Variants in GPR137C observed in about 807,000 individuals in gnomAD.
GPR137C encodes the protein integral membrane protein GPR137C.
GPR137C carries 27 observed loss-of-function variants against 43.4 expected under a neutral mutation model. The ratio of observed to expected loss-of-function variants is 0.62; its 90% CI spans 0.46 to 0.86. GPR137C has a LOEUF of 0.86. Among genes scored for constraint, GPR137C ranks in the 40% least tolerant of loss-of-function variants. GPR137C has a pLI of 0.00. For missense variants in GPR137C, 522 were observed against 534.6 expected (o/e 0.98, Z 0.23); for synonymous variants, 285 against 226.9 (o/e 1.26, Z -2.30).
rs2039362547 is a variant in GPR137C, at chr14:52,637,193, T to C, written c.*2078T>C. 1 of 152,136 alleles carries C rather than the reference T, an allele frequency of 6.6e-6. No homozygotes were observed. The highest frequency in any genetic ancestry group is 2.1e-4 in the South Asian group (1 of 4,834). 9.4% of individuals were successfully genotyped at this position (152,136 alleles called of 1,614,324 possible). On this transcript the variant is annotated 3_prime_UTR_variant, in exon 7 of 7. Coordinates refer to ENST00000321662, the MANE Select transcript of GPR137C (RefSeq NM_001099652.2). Reference sequence around the variant, plus strand: ...CCAAATTCTTGCATTTGTCTCCTTATACACATCTAACATATCACCAAAGAC... The same window carrying C: ...CCAAATTCTTGCATTTGTCTCCTTACACACATCTAACATATCACCAAAGAC...
At chr14:52,589,319 G>C (rs972179998) in intron 1 of GPR137C, among the ~76,000 whole-genome samples, 33 of 152,088 alleles carry the variant, frequency 2.2e-4, no homozygotes, top group Admixed American at 2.2e-3. Context: ...GGTGATGGTT[G>C]CACAACATTG....
intron 3 of GPR137C, among the ~76,000 whole-genome samples, chr14:52,631,262 G>A (rs1234126447): frequency 1.3e-5 from 2 of 152,154 alleles, no homozygotes; most frequent in African/African-American, 4.8e-5. Flanking sequence ...TAGCTTAGGT[G>A]GAGGATTCTC....
chr14:52,637,161 A>G lies in GPR137C; in HGVS notation c.*2046A>G, dbSNP rs2039362156. ...TGTAAGTTTATTCTTATCACTGACT[A>G]GGGTACCCAAATTCTTGCATTTGTC... On this transcript the variant is annotated 3_prime_UTR_variant, in exon 7 of 7. Transcript: ENST00000321662. 1 of 152,166 alleles carries G rather than the reference A, an allele frequency of 6.6e-6. No homozygotes were observed. Among genetic ancestry groups the G allele is most frequent in the African/African-American group, 2.4e-5 (1 of 41,450 alleles). 9.4% of individuals were successfully genotyped at this position (152,166 alleles called of 1,614,324 possible).
chr14:52,597,792 T>A (rs1345752003), intron 1 of GPR137C, among the ~76,000 whole-genome samples: 1 of 152,214 alleles, frequency 6.6e-6, no homozygotes, highest in African/African-American at 2.4e-5. Flanking sequence ...TTACTAAATA[T>A]GATATATCCT....
At position 52,563,308 on chromosome 14, in the gene GPR137C, G is replaced by A. The variant is rs779246208; in HGVS notation, c.444+9717G>A. Among the ~76,000 whole-genome samples, 7 of 151,972 alleles carry A rather than the reference G, an allele frequency of 4.6e-5. No homozygotes were observed. The East Asian group carries it at 5.8e-4, about 13-fold the overall frequency. ...TTTCCAAGTGATCACATCCACTTTC[G>A]TGACATCATGCCACTTAAAAACAGA... On this transcript the variant is annotated intron_variant, in intron 1 of 6. Transcript: ENST00000321662.
In GPR137C at chr14:52,621,365, A is replaced by C. The variant is rs187017234; in HGVS notation, c.718-10795A>C. 9.9e-5 allele frequency among the ~76,000 whole-genome samples: 15 copies of C among 152,008 alleles called. No individual in the cohort carries two copies. The East Asian group carries it at 2.7e-3, about 27-fold the overall frequency. On this transcript the variant is annotated intron_variant, in intron 3 of 6. Coordinates refer to ENST00000321662, the MANE Select transcript of GPR137C (RefSeq NM_001099652.2). The stretch of plus-strand genomic sequence containing the variant: ...AATAAAAACATTTCCAGAAAAAAGA[A>C]AACTAAGGGGATTACTTACCAGCAT...
In GPR137C at chr14:52,634,921, C is replaced by A. The variant is rs1426502918; in HGVS notation, c.1113-17C>A. ...TGATCATAGTCCTATGGTCTTTTTG[C>A]CTTTTTTTTGTTGCAGTTTACCAAA... On this transcript the variant is annotated splice_polypyrimidine_tract_variant and intron_variant, in intron 6 of 6. Coordinates refer to ENST00000321662, the MANE Select transcript of GPR137C (RefSeq NM_001099652.2). 5.6e-6 allele frequency: 9 copies of A among 1,608,912 alleles called. No individual in the cohort carries two copies. The highest frequency in any genetic ancestry group is 7.6e-6 in the Non-Finnish European group (9 of 1,177,904).
chr14:52,555,175 T>A (rs1370986289), intron 1 of GPR137C, among the ~76,000 whole-genome samples: 1 of 152,216 alleles, frequency 6.6e-6, no homozygotes, highest in Non-Finnish European at 1.5e-5. Context: ...TGACTAGCGA[T>A]TTTTATGCCA....
At chr14:52,578,759 C>G (rs969943995) in intron 1 of GPR137C, among the ~76,000 whole-genome samples, 1 of 152,016 alleles carries the variant, frequency 6.6e-6, no homozygotes, top group African/African-American at 2.4e-5. Flanking sequence ...GCCTGGCCAG[C>G]GTGGCAAAAC....
Position 52,616,049 on chromosome 14 carries a change from A to G in GPR137C, c.717+15708A>G, listed in dbSNP as rs114597029. On this transcript the variant is annotated intron_variant, in intron 3 of 6. Coordinates refer to ENST00000321662, the MANE Select transcript of GPR137C (RefSeq NM_001099652.2). ...TCATTTTTTGTAAACTAATACAGGT[A>G]TTTAGAGCAATATGTTTTCTCAAGT... 2.1e-3 allele frequency among the ~76,000 whole-genome samples: 314 copies of G among 152,304 alleles called. 1 individual carries two copies. The highest frequency in any genetic ancestry group is 7.2e-3 in the African/African-American group (300 of 41,566).
chr14:52,619,843 T>G (rs973016249), intron 3 of GPR137C, among the ~76,000 whole-genome samples: 2 of 152,120 alleles, frequency 1.3e-5, no homozygotes, highest in Admixed American at 6.5e-5. Flanking sequence ...GTTTTTAAAT[T>G]TATTAATTAA....
At chr14:52,624,552 CA>C (rs1215535719) in intron 3 of GPR137C, among the ~76,000 whole-genome samples, 4 of 145,744 alleles carry the variant, frequency 2.7e-5, no homozygotes, top group Admixed American at 1.4e-4. Flanking sequence ...GATGAAACCT[CA>C]TCTCTACAAA....
In GPR137C at chr14:52,632,255, T is replaced by C; in HGVS notation, c.813T>C (p.Ser271=). The C allele has an allele frequency of 6.2e-7, 1 of 1,611,034 alleles. No individual in the cohort carries two copies. The highest frequency in any genetic ancestry group is 1.7e-5 in the Admixed American group (1 of 59,966). ...ACYNLVVVTI[S]QDTLESPFNY... is the part of the protein sequence containing the mutation. ...ATAATTTGGTGGTGGTCACCATATC[T>C]CAGGATACATTAGAAAGTCCATTTA... The change falls in exon 4 of 7, where the codon TCT becomes TCC. Residue 271 remains serine (S), a synonymous_variant. Transcript: ENST00000321662.
rs75232835 is a variant in GPR137C, at chr14:52,610,018, A to G, written c.717+9677A>G. On this transcript the variant is annotated intron_variant, in intron 3 of 6. Transcript: ENST00000321662. The stretch of plus-strand genomic sequence containing the variant: ...TCCAGCCATATAGACTTTGTATTGT[A>G]TATATTGTTCCCTCTGCCTAAATTG... 1.8e-3 allele frequency among the ~76,000 whole-genome samples: 277 copies of G among 152,276 alleles called. 1 individual carries two copies. The highest frequency in any genetic ancestry group is 6.3e-3 in the African/African-American group (262 of 41,550).
At chr14:52,614,548 T>C (rs1387431445) in intron 3 of GPR137C, among the ~76,000 whole-genome samples, 2 of 152,116 alleles carry the variant, frequency 1.3e-5, no homozygotes, top group East Asian at 1.9e-4. Context: ...AGTGCAGTGG[T>C]GCAATCACAG....
intron 1 of GPR137C, among the ~76,000 whole-genome samples, chr14:52,592,013 G>A (rs1371644236): frequency 2.0e-5 from 3 of 152,130 alleles, no homozygotes; most frequent in Admixed American, 1.3e-4. Flanking sequence ...AAGGTGTAAC[G>A]AAAGGATCCA....
chr14:52,615,102 G>A (rs1299633177), intron 3 of GPR137C, among the ~76,000 whole-genome samples: 1 of 152,164 alleles, frequency 6.6e-6, no homozygotes, highest in Non-Finnish European at 1.5e-5. Flanking sequence ...AGATTTAAGT[G>A]TTTAATTCGT....
rs532429158 is a variant in GPR137C at position 52,559,463 on chromosome 14, C to A, written c.444+5872C>A. On this transcript the variant is annotated intron_variant, in intron 1 of 6. Coordinates refer to ENST00000321662, the MANE Select transcript of GPR137C (RefSeq NM_001099652.2). Reference sequence around the variant, plus strand: ...AAAGCAGAAAATCATATGATCATCTCAATAGATGCAGAAAGAAGAATTTGA... The same window carrying A: ...AAAGCAGAAAATCATATGATCATCTAAATAGATGCAGAAAGAAGAATTTGA... Among the ~76,000 whole-genome samples, 4 of 152,178 alleles carry A rather than the reference C, an allele frequency of 2.6e-5. No homozygotes were observed. In the East Asian group the frequency reaches 7.7e-4, roughly 29 times the overall value.
chr14:52,589,711 C>T (rs1317164347), intron 1 of GPR137C, among the ~76,000 whole-genome samples: 1 of 152,160 alleles, frequency 6.6e-6, no homozygotes, highest in Non-Finnish European at 1.5e-5. Context: ...CAATAACTCA[C>T]CCCACATACA....
Sources: allele counts gnomAD v4.1 joint callset (sites outside exome capture counted in the v4.1 genomes callset), GRCh38; gene constraint gnomAD v4.1.1; transcripts MANE v1.5; gene names NCBI Gene and HGNC (gene_info 2026-07-23, HGNC 2026-07-21).